The following CNBD1 variants were observed in gnomAD, a reference collection of about 807,000 sequenced individuals.
CNBD1 encodes cyclic nucleotide binding domain containing 1, also known as cyclic nucleotide-binding domain-containing protein 1.
CNBD1 carries 71 observed loss-of-function variants against 54.4 expected under a neutral mutation model. That is an observed-to-expected ratio of 1.30 (90% CI 1.08 to 1.59). The LOEUF is 1.59. Among genes scored for constraint, CNBD1 ranks in the 40% most tolerant of loss-of-function variants. The pLI, the probability that CNBD1 is intolerant of heterozygous loss-of-function variation, is 0.00. For synonymous variants in CNBD1, 182 were observed against 170.7 expected, an observed-to-expected ratio of 1.07 and a Z score of -0.51; for missense variants, 659 against 518.0, an observed-to-expected ratio of 1.27 and a Z score of -2.64.
At chr8:86,939,561 T>A (rs1451352440) in intron 3 of CNBD1, 35 bp from the exon 4 acceptor site, 2 of 1,486,478 alleles carry the variant, frequency 1.3e-6, no homozygotes, top group Non-Finnish European at 1.8e-6. Context: ...TTATGCAGTA[T>A]ACAACAGCAT....
chr8:87,190,077 T>C (rs558533518), intron 4 of CNBD1, among the ~76,000 whole-genome samples: 1 of 152,192 alleles, frequency 6.6e-6, no homozygotes, highest in Non-Finnish European at 1.5e-5. Context: ...GTCCAAGAGC[T>C]TGCCTGTGTG....
chr8:87,398,299 T>C (rs1364387176), intron 2 of CNBD1, among the ~76,000 whole-genome samples: 2 of 151,794 alleles, frequency 1.3e-5, no homozygotes, highest in Admixed American at 1.3e-4. Flanking sequence ...CCATTTCTAG[T>C]ACCATCCAAT....
intron 4 of CNBD1, among the ~76,000 whole-genome samples, chr8:86,980,758 A>G (rs1330078632): frequency 6.6e-6 from 1 of 152,228 alleles, no homozygotes; most frequent in African/African-American, 2.4e-5. Context: ...ATTGCATTTA[A>G]TATTCATAAT....
intron 4 of CNBD1, among the ~76,000 whole-genome samples, chr8:87,119,684 C>G (rs912959003): frequency 2.0e-5 from 3 of 151,876 alleles, no homozygotes; most frequent in Admixed American, 6.6e-5. Context: ...TAATTTCAGT[C>G]CTTTTCCATT....
chr8:87,231,303 A>T (rs1814684671), intron 5 of CNBD1, among the ~76,000 whole-genome samples: 1 of 152,176 alleles, frequency 6.6e-6, no homozygotes, highest in African/African-American at 2.4e-5. Context: ...TTTTATCATA[A>T]TTGAAACACT....
At chr8:87,305,077 T>C (rs1250093886) in intron 8 of CNBD1, among the ~76,000 whole-genome samples, 1 of 152,138 alleles carries the variant, frequency 6.6e-6, no homozygotes, top group African/African-American at 2.4e-5. Flanking sequence ...ACAAGATTAA[T>C]GTGCACAAAT....
At chr8:86,962,365 C>T (rs763432809) in intron 4 of CNBD1, among the ~76,000 whole-genome samples, 2 of 152,098 alleles carry the variant, frequency 1.3e-5, no homozygotes, top group Admixed American at 1.3e-4. Flanking sequence ...ACTATAGCAC[C>T]CCTTTTTAAA....
chr8:87,411,061 T>C (rs2130984809), intron 2 of CNBD1, among the ~76,000 whole-genome samples: 1 of 152,188 alleles, frequency 6.6e-6, no homozygotes, highest in South Asian at 2.1e-4. Context: ...AACCAAAATT[T>C]GTGTGACTCG....
intron 4 of CNBD1, among the ~76,000 whole-genome samples, chr8:86,991,402 C>G (rs1045332644): frequency 5.3e-5 from 8 of 152,228 alleles, no homozygotes; most frequent in Middle Eastern, 3.4e-3. Context: ...GTCTCTCTCT[C>G]TCTCTCTCTT....
intron 4 of CNBD1, among the ~76,000 whole-genome samples, chr8:87,037,767 A>G (rs1809981212): frequency 6.6e-6 from 1 of 152,112 alleles, no homozygotes; most frequent in Non-Finnish European, 1.5e-5. Context: ...TTCTTCAAAA[A>G]CTTTGTTTTG....
At chr8:86,966,282 G>C (rs1423622525) in intron 4 of CNBD1, among the ~76,000 whole-genome samples, 1 of 152,162 alleles carries the variant, frequency 6.6e-6, no homozygotes, top group Non-Finnish European at 1.5e-5. Flanking sequence ...GCCAGTCATG[G>C]CCCAGGGGCT....
chr8:87,229,552 G>A (rs1337486233), intron 5 of CNBD1, among the ~76,000 whole-genome samples: 1 of 151,726 alleles, frequency 6.6e-6, no homozygotes, highest in East Asian at 1.9e-4. Context: ...TTAATAATTT[G>A]TCTATAAATT....
chr8:87,153,772 A>G (rs1812654978), intron 4 of CNBD1, among the ~76,000 whole-genome samples: 1 of 152,230 alleles, frequency 6.6e-6, no homozygotes, highest in Non-Finnish European at 1.5e-5. Flanking sequence ...AGGATTGAAA[A>G]TGAAATAATC....
At chr8:87,174,454 A>G (rs145355293) in intron 4 of CNBD1, among the ~76,000 whole-genome samples, 83 of 152,274 alleles carry the variant, frequency 5.5e-4, no homozygotes, top group African/African-American at 1.9e-3. Flanking sequence ...TGTTAAATGT[A>G]TCTGATAGAA....
chr8:87,005,063 T>C (rs550763569), intron 4 of CNBD1, among the ~76,000 whole-genome samples: 312 of 152,210 alleles, frequency 2.0e-3, no homozygotes, highest in Non-Finnish European at 3.4e-3. Context: ...TTTTTTTTTT[T>C]TTAATCGTTA....
At position 87,118,302 on chromosome 8, in the gene CNBD1, G is replaced by A. The variant is rs143614360; in HGVS notation, c.432-87691G>A. 5.3e-3 allele frequency among the ~76,000 whole-genome samples: 613 copies of A among 116,360 alleles called. 17 individuals are homozygous for A. Among genetic ancestry groups the A allele is most frequent in the Admixed American group, 0.041 (371 of 9,032 alleles). The allele number at this position is 116,360 out of a possible 152,430, so 76.3% of individuals were successfully genotyped here. On this transcript the variant is annotated intron_variant, in intron 4 of 10. Transcript: ENST00000518476. ...TGCCCTCCAGCCTGGGCGACAGAGCGAGACTCTGTCTCAAAAAAAAAAAAA... is the reference window on the plus strand; with the variant it reads ...TGCCCTCCAGCCTGGGCGACAGAGCAAGACTCTGTCTCAAAAAAAAAAAAA...
chr8:87,063,203 C>G (rs1019149687), intron 4 of CNBD1, among the ~76,000 whole-genome samples: 2 of 152,136 alleles, frequency 1.3e-5, no homozygotes. Context: ...AACTTAGCTA[C>G]AGAAAATACA....
chr8:87,102,034 G>A (rs772846559), intron 4 of CNBD1, among the ~76,000 whole-genome samples: 5 of 151,794 alleles, frequency 3.3e-5, no homozygotes, highest in South Asian at 4.2e-4. Flanking sequence ...GATTATAGGC[G>A]CCCGCCACCA....
intron 1 of CNBD1, among the ~76,000 whole-genome samples, chr8:86,883,020 G>A (rs899114314): frequency 3.3e-5 from 5 of 152,112 alleles, no homozygotes; most frequent in Admixed American, 3.3e-4. Context: ...AGACTTACTG[G>A]AGGGTGGAAG....
Sources: gnomAD v4.1 joint callset for allele counts (sites outside exome capture counted in the v4.1 genomes callset) on GRCh38, gnomAD v4.1.1 for gene constraint, MANE v1.5 for transcripts, NCBI Gene and HGNC (gene_info 2026-07-23, HGNC 2026-07-21) for gene names.